The following SYTL5 variants were observed in gnomAD, a reference collection of about 807,000 sequenced individuals.
SYTL5 encodes the protein synaptotagmin-like protein 5.
Under a neutral mutation model 55.9 loss-of-function variants are expected in SYTL5, and 34 were observed. That is an observed-to-expected ratio of 0.61 (90% CI 0.46 to 0.81). The LOEUF (loss-of-function observed/expected upper bound fraction) is 0.81. SYTL5 is among the 30% of genes least tolerant of loss of function. The pLI, the probability that SYTL5 is intolerant of heterozygous loss-of-function variation, is 0.00. For synonymous variants in SYTL5, 221 were observed against 188.7 expected, an observed-to-expected ratio of 1.17 and a Z score of -1.40; for missense variants, 637 against 546.7, an observed-to-expected ratio of 1.17 and a Z score of -1.65.
At chrX:38,098,849 C>T (rs970213627) in intron 9 of SYTL5, among the ~76,000 whole-genome samples, 2 of 110,731 alleles carry the variant, frequency 1.8e-5, no homozygotes, top group African/African-American at 6.5e-5. Context: ...AGTACTGACA[C>T]ATACTACAAC....
intron 5 of SYTL5, among the ~76,000 whole-genome samples, chrX:38,074,066 A>C (rs950480630): frequency 5.4e-5 from 6 of 111,681 alleles, no homozygotes; most frequent in Admixed American, 1.9e-4. Flanking sequence ...CTGTGTGCTG[A>C]TATATAATTT....
At chrX:37,929,849 G>A in the SYTL5 span, among the ~76,000 whole-genome samples, 1 of 112,120 alleles carries the variant, frequency 8.9e-6, no homozygotes, top group Non-Finnish European at 1.9e-5. Context: ...AACTGATTTG[G>A]TTTTCATCCT....
At chrX:38,046,084 G>A (rs1330227604) in intron 2 of SYTL5, among the ~76,000 whole-genome samples, 4 of 111,505 alleles carry the variant, frequency 3.6e-5, no homozygotes, top group Admixed American at 9.5e-5. Flanking sequence ...ACTGGTGTGT[G>A]GGAAGAGTGC....
chrX:37,905,705 G>C, the SYTL5 span, among the ~76,000 whole-genome samples: 1 of 112,477 alleles, frequency 8.9e-6, no homozygotes, highest in Non-Finnish European at 1.9e-5. Context: ...CGTCCAGGTA[G>C]TATATGAAAG....
At chrX:37,991,764 T>C in the SYTL5 span, among the ~76,000 whole-genome samples, 1 of 111,577 alleles carries the variant, frequency 9.0e-6, no homozygotes, top group East Asian at 2.8e-4. Context: ...GGGCTTTACA[T>C]GGAGATTGAA....
chrX:38,033,989 G>C lies in SYTL5; in HGVS notation c.100G>C (p.Val34Leu). ...VLKRDEYLKK[V>L]EDKRIRKLKN... Reference sequence around the variant, plus strand: ...AAAGAGAGATGAATATTTGAAAAAAGTGGAGGACAAGAGAATAAGGTAGTA... The same window carrying C: ...AAAGAGAGATGAATATTTGAAAAAACTGGAGGACAAGAGAATAAGGTAGTA... Residue 34 changes from valine to leucine, a missense_variant, in exon 2 of 17, where the codon GTG (valine) becomes CTG (leucine). Coordinates refer to ENST00000297875, the MANE Select transcript of SYTL5 (RefSeq NM_138780.3). 1.7e-6 allele frequency: 2 copies of C among 1,166,266 alleles called. No individual in the cohort carries two copies. Among genetic ancestry groups the C allele is most frequent in the Non-Finnish European group, 2.3e-6 (2 of 857,972 alleles).
chrX:38,115,207 G>A (rs1039385348), intron 13 of SYTL5, among the ~76,000 whole-genome samples: 21 of 105,110 alleles, frequency 2.0e-4, no homozygotes, highest in South Asian at 3.8e-4. Flanking sequence ...ATTTCAGGCC[G>A]GGCGCGGTGG....
At chrX:38,003,124 A>G (rs1465727206), upstream of SYTL5, among the ~76,000 whole-genome samples, 1 of 111,810 alleles carries the variant, frequency 8.9e-6, no homozygotes, top group Non-Finnish European at 1.9e-5. Context: ...TCAAATAGGG[A>G]ATCCTTTCCC....
chrX:38,084,834 G>A (rs1936630902), intron 6 of SYTL5, among the ~76,000 whole-genome samples: 1 of 111,584 alleles, frequency 9.0e-6, no homozygotes, highest in African/African-American at 3.3e-5. Context: ...GTACATGAAT[G>A]AATGGGCTGC....
At chrX:37,929,741 C>T in the SYTL5 span, among the ~76,000 whole-genome samples, 50 of 111,929 alleles carry the variant, frequency 4.5e-4, no homozygotes, top group Non-Finnish European at 1.1e-4. Context: ...AAAGAGAGAT[C>T]TCAGAAAGCT....
chrX:37,978,358 G>A, the SYTL5 span, among the ~76,000 whole-genome samples: 1 of 111,706 alleles, frequency 9.0e-6, no homozygotes, highest in African/African-American at 3.3e-5. Flanking sequence ...GGAAAGACAG[G>A]TGGTGAGGGG....
chrX:37,901,270 A>T, the SYTL5 span, among the ~76,000 whole-genome samples: 3 of 111,643 alleles, frequency 2.7e-5, no homozygotes, highest in Non-Finnish European at 3.8e-5. Context: ...CCCTCAGGTG[A>T]TCCGGGCATC....
intron 3 of SYTL5, 55 bp downstream of exon 3, chrX:38,054,477 G>A: frequency 1.9e-6 from 2 of 1,073,629 alleles, no homozygotes; most frequent in South Asian, 3.8e-5. Flanking sequence ...AGGGATTGGA[G>A]TGGGGAAGGC....
rs182547826 is a variant in SYTL5, at chrX:38,096,743, T to G, written c.1062+509T>G. On this transcript the variant is annotated intron_variant, in intron 9 of 16. Coordinates refer to ENST00000297875, the MANE Select transcript of SYTL5 (RefSeq NM_138780.3). ...TCTAATATTCTGATATTCAGATTTCTGTAATTGCTATAATAAAATACGGAC... is the reference window on the plus strand; with the variant it reads ...TCTAATATTCTGATATTCAGATTTCGGTAATTGCTATAATAAAATACGGAC... 7.4e-3 allele frequency among the ~76,000 whole-genome samples: 824 copies of G among 111,469 alleles called. 8 individuals are homozygous for G. Among genetic ancestry groups the G allele is most frequent in the African/African-American group, 0.025 (784 of 30,869 alleles).
At chrX:38,043,690 T>TATACAC (rs1366385489) in intron 2 of SYTL5, among the ~76,000 whole-genome samples, 32 of 69,526 alleles carry the variant, frequency 4.6e-4, no homozygotes, top group Non-Finnish European at 5.8e-4. Flanking sequence ...TATATATATA[T>TATACAC]ACATATATAT....
At chrX:37,973,775 C>T in the SYTL5 span, among the ~76,000 whole-genome samples, 1 of 110,662 alleles carries the variant, frequency 9.0e-6, no homozygotes, top group Admixed American at 9.6e-5. Context: ...GCTGGGATTA[C>T]AGGCACCCAC....
chrX:38,084,218 C>G (rs969428725), intron 6 of SYTL5, among the ~76,000 whole-genome samples: 2 of 112,291 alleles, frequency 1.8e-5, no homozygotes, highest in Non-Finnish European at 3.8e-5. Flanking sequence ...TGGATAGCCA[C>G]ACATGTGGAG....
At chrX:38,001,104 A>G in the SYTL5 span, among the ~76,000 whole-genome samples, 1 of 110,903 alleles carries the variant, frequency 9.0e-6, no homozygotes, top group Admixed American at 9.6e-5. Context: ...CCCTGGTCAC[A>G]GGCCCAGGGG....
intron 2 of SYTL5, among the ~76,000 whole-genome samples, chrX:38,045,127 G>A (rs1187411178): frequency 4.5e-5 from 5 of 111,706 alleles, no homozygotes; most frequent in Non-Finnish European, 3.8e-5. Context: ...AGCAACACAG[G>A]AAAGGAGAAG....
Sources: gnomAD v4.1 joint callset for allele counts (sites outside exome capture counted in the v4.1 genomes callset) on GRCh38, gnomAD v4.1.1 for gene constraint, MANE v1.5 for transcripts, NCBI Gene and HGNC (gene_info 2026-07-23, HGNC 2026-07-21) for gene names.